RGS7: variants seen among roughly 807,000 people sequenced by gnomAD.
The protein encoded by RGS7 is regulator of G-protein signaling 7.
A neutral mutation model predicts 81.1 loss-of-function variants in RGS7; 27 were observed. That is an observed-to-expected ratio of 0.33 (90% confidence interval 0.25 to 0.46). The LOEUF is 0.46. RGS7 is among the 20% of genes least tolerant of loss of function. The probability of loss-of-function intolerance (pLI) is 1.00; values close to 1 mark genes in which losing one functional copy is unlikely to be tolerated. For missense variants in RGS7, 396 were observed against 607.4 expected (o/e 0.65, Z 3.66); for synonymous variants, 208 against 207.7 (o/e 1.00, Z -0.01).
chr1:240,881,360 G>A (rs1666349319), intron 6 of RGS7, among the ~76,000 whole-genome samples: 1 of 151,098 alleles, frequency 6.6e-6, no homozygotes, highest in Non-Finnish European at 1.5e-5. Context: ...TGGGGTGGGG[G>A]GCTAGGGGAA....
intron 2 of RGS7, among the ~76,000 whole-genome samples, chr1:241,308,909 C>T (rs2080334414): frequency 6.6e-6 from 1 of 152,100 alleles, no homozygotes; most frequent in South Asian, 2.1e-4. Flanking sequence ...TCAGGTCTCC[C>T]TTGTCTTTTT....
At position 241,098,676 on chromosome 1, in the gene RGS7, G is replaced by A. The variant is rs761717185; in HGVS notation, c.165C>T (p.Ser55=). 1.4e-5 allele frequency: 22 copies of A among 1,610,224 alleles called. No homozygotes were observed. The highest frequency in any genetic ancestry group is 9.4e-5 in the African/African-American group (7 of 74,836). ...TCCATGCAGACTTACCAGAGAAGAC[G>A]CTAGGTATCTTGGAAAGAAAGCTTT... The part of the protein sequence containing the change: ...TVKSFLSKIP[S]VFSGSDIVQW... The change falls in exon 3 of 19, where the codon AGC becomes AGT. Residue 55 remains serine, a synonymous_variant. Transcript: ENST00000440928.
At chr1:241,119,580 A>C (rs1038064042) in intron 2 of RGS7, among the ~76,000 whole-genome samples, 8 of 152,204 alleles carry the variant, frequency 5.3e-5, no homozygotes, top group African/African-American at 1.9e-4. Flanking sequence ...GCATGTACTG[A>C]TGACTTGGAA....
At chr1:241,329,152 G>A (rs770047184) in intron 2 of RGS7, among the ~76,000 whole-genome samples, 2 of 152,012 alleles carry the variant, frequency 1.3e-5, no homozygotes, top group Admixed American at 6.5e-5. Context: ...TTCCAACTTC[G>A]AGATCTCATT....
chr1:241,235,621 C>A (rs2075897727), intron 2 of RGS7, among the ~76,000 whole-genome samples: 1 of 48,328 alleles, frequency 2.1e-5, no homozygotes, highest in South Asian at 7.1e-4. Flanking sequence ...CTTCCTTTCC[C>A]TTTTCTCTCT....
chr1:241,127,139 T>G (rs2103021203), intron 2 of RGS7, among the ~76,000 whole-genome samples: 1 of 152,332 alleles, frequency 6.6e-6, no homozygotes, highest in East Asian at 1.9e-4. Context: ...CATCTAATTC[T>G]GCTTGATACT....
intron 3 of RGS7, among the ~76,000 whole-genome samples, chr1:241,044,734 G>T (rs1243727204): frequency 6.6e-6 from 1 of 151,850 alleles, no homozygotes; most frequent in Non-Finnish European, 1.5e-5. Flanking sequence ...CACCTGACTT[G>T]TTTCTGTTGT....
intron 2 of RGS7, among the ~76,000 whole-genome samples, chr1:241,349,146 T>C (rs1341018654): frequency 6.6e-6 from 1 of 152,180 alleles, no homozygotes; most frequent in Admixed American, 6.5e-5. Flanking sequence ...ACATTTTTTA[T>C]TTTTTTATCA....
intron 18 of RGS7, among the ~76,000 whole-genome samples, chr1:240,781,939 T>A (rs1460906577): frequency 6.6e-6 from 1 of 150,756 alleles, no homozygotes; most frequent in Non-Finnish European, 1.5e-5. Flanking sequence ...CACCTGAACC[T>A]GGGAGGAGGA....
At chr1:240,797,271 T>C (rs144142189) in intron 18 of RGS7, among the ~76,000 whole-genome samples, 1 of 152,310 alleles carries the variant, frequency 6.6e-6, no homozygotes, top group African/African-American at 2.4e-5. Flanking sequence ...TCCTACCCTG[T>C]TTTTCCTTTG....
At chr1:241,042,111 G>A (rs907666665) in intron 3 of RGS7, among the ~76,000 whole-genome samples, 2 of 152,186 alleles carry the variant, frequency 1.3e-5, no homozygotes, top group Non-Finnish European at 2.9e-5. Context: ...CTCTAAGGAA[G>A]AAGGGGATAA....
chr1:241,350,021 G>C (rs2083138202), intron 2 of RGS7, among the ~76,000 whole-genome samples: 1 of 152,120 alleles, frequency 6.6e-6, no homozygotes, highest in South Asian at 2.1e-4. Context: ...ATTAGATTCA[G>C]GGAGATTGGA....
intron 3 of RGS7, among the ~76,000 whole-genome samples, chr1:240,996,701 G>T (rs1012387206): frequency 1.3e-5 from 2 of 152,030 alleles, no homozygotes; most frequent in Non-Finnish European, 2.9e-5. Flanking sequence ...TATATTTGAA[G>T]CAAGTTTCTT....
chr1:240,855,227 C>T (rs1244245331), intron 9 of RGS7, among the ~76,000 whole-genome samples: 1 of 145,514 alleles, frequency 6.9e-6, no homozygotes, highest in Non-Finnish European at 1.5e-5. Context: ...TTTATTTATT[C>T]ACTCGTTTAT....
chr1:241,156,518 A>C (rs1488054264), intron 2 of RGS7, among the ~76,000 whole-genome samples: 1 of 151,084 alleles, frequency 6.6e-6, no homozygotes, highest in Non-Finnish European at 1.5e-5. Flanking sequence ...AAAAAAGAAA[A>C]AAAAGAAAGA....
At chr1:241,039,796 AG>A (rs1393297940) in intron 3 of RGS7, among the ~76,000 whole-genome samples, 1 of 151,446 alleles carries the variant, frequency 6.6e-6, no homozygotes, top group East Asian at 1.9e-4. Context: ...ACGATGGCAG[AG>A]CCATAACATG....
intron 2 of RGS7, among the ~76,000 whole-genome samples, chr1:241,185,448 A>G (rs1334575040): frequency 6.6e-6 from 1 of 152,180 alleles, no homozygotes; most frequent in African/African-American, 2.4e-5. Flanking sequence ...CAAATAAAAA[A>G]TAGGTAAGGA....
intron 3 of RGS7, among the ~76,000 whole-genome samples, chr1:240,992,628 A>T (rs1686618640): frequency 6.6e-6 from 1 of 152,158 alleles, no homozygotes; most frequent in Non-Finnish European, 1.5e-5. Flanking sequence ...CAAGGCCCAG[A>T]TTGAAAAGAG....
intron 9 of RGS7, among the ~76,000 whole-genome samples, chr1:240,832,870 C>G (rs1394728521): frequency 6.6e-6 from 1 of 152,072 alleles, no homozygotes; most frequent in African/African-American, 2.4e-5. Flanking sequence ...ATTCAGGTTT[C>G]AAATATGCAT....
Sources: gnomAD v4.1 joint callset for allele counts (sites outside exome capture counted in the v4.1 genomes callset) on GRCh38, gnomAD v4.1.1 for gene constraint, MANE v1.5 for transcripts, NCBI Gene and HGNC (gene_info 2026-07-23, HGNC 2026-07-21) for gene names.